The following NUDT1 variants were observed in gnomAD, a reference collection of about 807,000 sequenced individuals.
NUDT1 encodes the protein nudix hydrolase 1.
A neutral mutation model predicts 11.3 loss-of-function variants in NUDT1; 16 were observed. The observed-to-expected ratio is 1.41, with a 90% CI of 0.96 to 2.15. The LOEUF (loss-of-function observed/expected upper bound fraction) is 2.15, where lower values mean the gene tolerates loss of function less well. Among genes scored for constraint, NUDT1 ranks in the 30% most tolerant of loss-of-function variants. The pLI, the probability that NUDT1 is intolerant of heterozygous loss-of-function variation, is 0.00. For missense variants in NUDT1, 234 were observed against 208.4 expected (o/e 1.12, Z -0.76); for synonymous variants, 101 against 84.4 (o/e 1.20, Z -1.08).
chr7:2,243,818 A>T (rs1794654471), intron 1 of NUDT1, among the ~76,000 whole-genome samples: 1 of 152,216 alleles, frequency 6.6e-6, no homozygotes, highest in African/African-American at 2.4e-5. Context: ...GCATTTCTCC[A>T]GGGTCCTTTT....
At chr7:2,250,030 CCCCACTATGCGGGT>C in intron 3 of NUDT1, 28 bp downstream of exon 3, 1 of 1,612,274 alleles carries the variant, frequency 6.2e-7, no homozygotes, top group Non-Finnish European at 8.5e-7. Flanking sequence ...TGCTCCCCCT[CCCCACTATGCGGGT>C]CCCATCTCCT....
At chr7:2,249,041 A>G (rs1398260143) in intron 2 of NUDT1, among the ~76,000 whole-genome samples, 1 of 152,248 alleles carries the variant, frequency 6.6e-6, no homozygotes, top group Non-Finnish European at 1.5e-5. Flanking sequence ...AATTAGCAAC[A>G]GCGTTAGACT....
rs1485073867 is a variant in NUDT1 at position 2,250,927 on chromosome 7, T to C, written c.397T>C (p.Phe133Leu). 1 of 1,613,836 alleles carries C rather than the reference T, an allele frequency of 6.2e-7. No homozygotes were observed. The highest frequency in any genetic ancestry group is 8.5e-7 in the Non-Finnish European group (1 of 1,179,966). The change falls in exon 4 of 4, where the codon TTC becomes CTC. Residue 133 changes from phenylalanine to leucine, a missense_variant. Physicochemically the swap from Phe to Leu is conservative, Grantham distance 22. Transcript: ENST00000356714. ...TCCACTCCTGCTTCAGAAGAAGAAA[T>C]TCCACGGGTACTTCAAGTTCCAGGG... The part of the protein sequence containing the change: ...WFPLLLQKKK[F>L]HGYFKFQGQD...
At chr7:2,243,017 T>A (rs1000310764) in intron 1 of NUDT1, 1 of 717,108 alleles carries the variant, frequency 1.4e-6, no homozygotes, top group African/African-American at 1.7e-5. Context: ...CCTCAGCAGA[T>A]GGGGGAGCCA....
At chr7:2,243,062 G>T (rs371519404) in intron 1 of NUDT1, 25 of 715,552 alleles carry the variant, frequency 3.5e-5, no homozygotes, top group Non-Finnish European at 6.0e-5. Flanking sequence ...ATTTTCCCCT[G>T]GAGTCGGGCT....
chr7:2,245,509 G>A (rs764589797), intron 2 of NUDT1, among the ~76,000 whole-genome samples: 2 of 152,190 alleles, frequency 1.3e-5, no homozygotes, highest in Non-Finnish European at 2.9e-5. Flanking sequence ...ACTCAGGTGT[G>A]CAGGTACAGC....
At chr7:2,242,520 C>T in intron 1 of NUDT1, 1 of 395,604 alleles carries the variant, frequency 2.5e-6, no homozygotes, top group African/African-American at 2.1e-5. Context: ...CTTTGGAAAC[C>T]GTGGCTTCTG....
At position 2,249,892 on chromosome 7, in the gene NUDT1, C is replaced by A. The variant is rs758344575; in HGVS notation, c.188C>A (p.Ala63Asp). 26 of 1,613,986 alleles carry A rather than the reference C, an allele frequency of 1.6e-5. No homozygotes were observed. Among genetic ancestry groups the A allele is most frequent in the Non-Finnish European group, 2.1e-5 (25 of 1,180,040 alleles). Residue 63 changes from alanine to aspartate, a missense_variant, in exon 3 of 4, where the codon GCC (alanine) becomes GAC (aspartate). By Grantham distance (126) the Ala-to-Asp change is moderately radical. Transcript: ENST00000356714. Reference sequence around the variant, plus strand: ...GAGGAGAGCGGTCTGACAGTGGACGCCCTGCACAAGGTGGGCCAGATCGTG... The same window carrying A: ...GAGGAGAGCGGTCTGACAGTGGACGACCTGCACAAGGTGGGCCAGATCGTG... The part of the protein sequence containing the change: ...LQEESGLTVD[A>D]LHKVGQIVFE...
chr7:2,247,493 T>G (rs1159319110), intron 2 of NUDT1, among the ~76,000 whole-genome samples: 2 of 151,996 alleles, frequency 1.3e-5, no homozygotes, highest in African/African-American at 4.8e-5. Context: ...GCATCCCTGG[T>G]CCCCAAAGAC....
rs368586996 is a variant in NUDT1, at chr7:2,244,526, C to T, written c.-12-37C>T. On this transcript the variant is annotated intron_variant, in intron 1 of 3. Coordinates refer to ENST00000356714, the MANE Select transcript of NUDT1 (RefSeq NM_002452.4). Reference sequence around the variant, plus strand: ...CCCTGGCACGTGCTTCCTCCACGCACGTCATGGCTGACTCTGCCCTCTCAC... The same window carrying T: ...CCCTGGCACGTGCTTCCTCCACGCATGTCATGGCTGACTCTGCCCTCTCAC... 309 of 1,511,500 alleles carry T rather than the reference C, an allele frequency of 2.0e-4. No homozygotes were observed. In the Middle Eastern group the frequency reaches 3.1e-3, roughly 15 times the overall value. The allele number at this position is 1,511,500 out of a possible 1,614,324, so 93.6% of individuals were successfully genotyped here.
Position 2,251,108 on chromosome 7 carries a change from TA to T in NUDT1, c.*109del. 1 of 1,134,754 alleles carries T rather than the reference TA, an allele frequency of 8.8e-7. No homozygotes were observed. The highest frequency in any genetic ancestry group is 1.7e-5 in the Admixed American group (1 of 57,558). The allele number at this position is 1,134,754 out of a possible 1,614,324, so 70.3% of individuals were successfully genotyped here. On this transcript the variant is annotated 3_prime_UTR_variant, in exon 4 of 4. Coordinates refer to ENST00000356714, the MANE Select transcript of NUDT1 (RefSeq NM_002452.4). ...CGCAGAGCCGGGTTTCATCTGGAAT[TA>T]ACTGGATGGAAGGGAAAATAAAGCT... is the stretch of plus-strand genomic sequence containing the variant.
intron 1 of NUDT1, chr7:2,242,852 T>C: frequency 1.5e-6 from 1 of 682,324 alleles, no homozygotes; most frequent in Non-Finnish European, 2.7e-6. Flanking sequence ...TTTAGCCTTG[T>C]AGGTGGCTTG....
intron 2 of NUDT1, among the ~76,000 whole-genome samples, chr7:2,246,869 G>A (rs902529130): frequency 3.9e-5 from 6 of 152,138 alleles, no homozygotes; most frequent in South Asian, 2.1e-4. Context: ...CACCCGCCTC[G>A]GCTTCCCAAA....
intron 1 of NUDT1, among the ~76,000 whole-genome samples, chr7:2,244,094 C>G (rs1355813572): frequency 1.3e-5 from 2 of 152,230 alleles, no homozygotes; most frequent in African/African-American, 4.8e-5. Context: ...CCAGGTCCCA[C>G]TAGACTGAAA....
chr7:2,245,195 C>G (rs1400923174), intron 2 of NUDT1, among the ~76,000 whole-genome samples: 1 of 152,290 alleles, frequency 6.6e-6, no homozygotes, highest in South Asian at 2.1e-4. Flanking sequence ...CCAGCTTCAC[C>G]TAGGAAGGAA....
chr7:2,242,841 G>C, intron 1 of NUDT1: 1 of 672,064 alleles, frequency 1.5e-6, no homozygotes, highest in African/African-American at 1.8e-5. Flanking sequence ...TGCTCTTTCA[G>C]TTTAGCCTTG....
At chr7:2,243,546 G>A (rs1414346549) in intron 1 of NUDT1, among the ~76,000 whole-genome samples, 6 of 152,150 alleles carry the variant, frequency 3.9e-5, no homozygotes, top group Non-Finnish European at 7.3e-5. Flanking sequence ...GCTGAGGTGG[G>A]TGGATCGCTT....
intron 1 of NUDT1, chr7:2,242,847 C>T (rs1794603391): frequency 3.0e-6 from 2 of 677,870 alleles, no homozygotes; most frequent in Non-Finnish European, 5.4e-6. Context: ...TTCAGTTTAG[C>T]CTTGTAGGTG....
intron 3 of NUDT1, 60 bp from the exon 4 acceptor site, chr7:2,250,769 G>GT: frequency 6.2e-7 from 1 of 1,608,346 alleles, no homozygotes; most frequent in Non-Finnish European, 8.5e-7. Context: ...AAAAAAACAT[G>GT]TTTTTTAAGC....
Sources: allele counts gnomAD v4.1 joint callset (sites outside exome capture counted in the v4.1 genomes callset), GRCh38; gene constraint gnomAD v4.1.1; transcripts MANE v1.5; gene names NCBI Gene and HGNC (gene_info 2026-07-23, HGNC 2026-07-21).